The following PCDH11X variants were observed in gnomAD, a reference collection of about 807,000 sequenced individuals.
PCDH11X encodes the protein protocadherin 11 X-linked.
A neutral mutation model predicts 53.3 loss-of-function variants in PCDH11X; 18 were observed. The observed-to-expected ratio is 0.34, with a 90% confidence interval of 0.23 to 0.50. PCDH11X has a LOEUF of 0.50. PCDH11X is among the 20% of genes least tolerant of loss of function. PCDH11X has a pLI of 0.98. For synonymous variants in PCDH11X, 279 were observed against 393.3 expected, an observed-to-expected ratio of 0.71 and a Z score of 3.44; for missense variants, 570 against 1,032.4, an observed-to-expected ratio of 0.55 and a Z score of 6.14.
At chrX:92,480,199 G>C (rs780405939) in intron 10 of PCDH11X, among the ~76,000 whole-genome samples, 1 of 111,584 alleles carries the variant, frequency 9.0e-6, no homozygotes, top group South Asian at 3.7e-4. Flanking sequence ...AGCTCTGTGA[G>C]CTCAGTTATA....
At chrX:92,461,988 T>C (rs755689204) in intron 9 of PCDH11X, among the ~76,000 whole-genome samples, 1 of 112,591 alleles carries the variant, frequency 8.9e-6, no homozygotes, top group Admixed American at 9.4e-5. Context: ...CATTTACTTA[T>C]GCAATATAGA....
chrX:92,339,475 G>A (rs1012707640), intron 8 of PCDH11X, among the ~76,000 whole-genome samples: 3 of 111,229 alleles, frequency 2.7e-5, no homozygotes, highest in African/African-American at 9.8e-5. Flanking sequence ...AGATTTAATT[G>A]GCTTATGGTT....
intron 8 of PCDH11X, among the ~76,000 whole-genome samples, chrX:92,294,121 A>C (rs1290257817): frequency 9.1e-6 from 1 of 109,829 alleles, no homozygotes; most frequent in African/African-American, 3.4e-5. Context: ...TCTCAAGTTT[A>C]TTTTATTCAT....
intron 10 of PCDH11X, among the ~76,000 whole-genome samples, chrX:92,608,146 C>T (rs1927009083): frequency 9.4e-6 from 1 of 106,195 alleles, no homozygotes; most frequent in African/African-American, 3.5e-5. Flanking sequence ...TGTACAAAAA[C>T]TTGAATTGCC....
At chrX:92,278,710 T>A (rs2068169451) in intron 8 of PCDH11X, among the ~76,000 whole-genome samples, 1 of 110,671 alleles carries the variant, frequency 9.0e-6, no homozygotes, top group Admixed American at 9.6e-5. Context: ...TCTTTTGTGA[T>A]TCTTCAGTTA....
intron 6 of PCDH11X, among the ~76,000 whole-genome samples, chrX:91,889,157 T>C (rs1940365472): frequency 9.1e-6 from 1 of 110,120 alleles, no homozygotes; most frequent in Non-Finnish European, 1.9e-5. Flanking sequence ...TGGAATTTCA[T>C]GGACTCTCAA....
At chrX:92,318,742 C>T (rs1038582325) in intron 8 of PCDH11X, among the ~76,000 whole-genome samples, 2 of 111,027 alleles carry the variant, frequency 1.8e-5, no homozygotes, top group African/African-American at 6.6e-5. Context: ...GGAAAATTGG[C>T]TTGTCTAGAA....
chrX:91,802,303 G>T (rs1449995438), intron 1 of PCDH11X, among the ~76,000 whole-genome samples: 1 of 112,527 alleles, frequency 8.9e-6, no homozygotes, highest in Non-Finnish European at 1.9e-5. Context: ...ACCTATGCTA[G>T]TACAGTATGC....
At chrX:92,108,378 C>T (rs112034793) in intron 6 of PCDH11X, among the ~76,000 whole-genome samples, 1,986 of 111,930 alleles carry the variant, frequency 0.018, 32 homozygotes, top group African/African-American at 0.061. Context: ...TACTTCAAAT[C>T]AGCGTGCATC....
rs1939675945 is a variant in PCDH11X, at chrX:91,877,464, A to T, written c.1224A>T (p.Leu408Phe). ...CFTDHEIPFR[L>F]RPVFSNQFLL... ...CAGATCATGAAATCCCTTTCAGATT[A>T]AGGCCAGTATTCAGTAATCAGTTCC... The change falls in exon 6 of 11, where the codon TTA becomes TTT. Residue 408 changes from leucine to phenylalanine, a missense_variant. Leu to Phe is a conservative substitution (Grantham distance 22). Coordinates refer to ENST00000682573, the MANE Select transcript of PCDH11X (RefSeq NM_032968.5). 8.3e-7 allele frequency: 1 copy of T among 1,211,670 alleles called. No homozygotes were observed. The highest frequency in any genetic ancestry group is 3.0e-5 in the East Asian group (1 of 33,842).
intron 6 of PCDH11X, among the ~76,000 whole-genome samples, chrX:91,952,530 C>T (rs1482328555): frequency 9.0e-6 from 1 of 110,608 alleles, no homozygotes; most frequent in Admixed American, 9.6e-5. Flanking sequence ...ATGCATTTTT[C>T]CTATAACTAT....
chrX:91,914,527 C>A (rs754110027), intron 6 of PCDH11X, among the ~76,000 whole-genome samples: 6 of 111,207 alleles, frequency 5.4e-5, no homozygotes, highest in African/African-American at 2.0e-4. Context: ...ATGAACAATT[C>A]TCAAGAGAAA....
intron 6 of PCDH11X, among the ~76,000 whole-genome samples, chrX:91,922,244 T>C (rs1941769741): frequency 8.9e-6 from 1 of 111,988 alleles, no homozygotes; most frequent in South Asian, 3.7e-4. Context: ...TCATCTCACT[T>C]AGGTAATATT....
chrX:92,203,812 G>A (rs1569420021), intron 7 of PCDH11X, among the ~76,000 whole-genome samples: 1 of 111,661 alleles, frequency 9.0e-6, no homozygotes, highest in Non-Finnish European at 1.9e-5. Flanking sequence ...CCTAAGTGGG[G>A]GTCACAAGAT....
chrX:91,926,098 A>ACG (rs1172297009), intron 6 of PCDH11X, among the ~76,000 whole-genome samples: 1 of 104,267 alleles, frequency 9.6e-6, no homozygotes. Flanking sequence ...ACACACACAC[A>ACG]CACACACACA....
intron 6 of PCDH11X, among the ~76,000 whole-genome samples, chrX:91,996,998 G>T (rs1242104687): frequency 1.2e-5 from 1 of 84,539 alleles, no homozygotes; most frequent in African/African-American, 4.4e-5. Context: ...ATTGTTAATT[G>T]TATTGTCTAC....
intron 5 of PCDH11X, among the ~76,000 whole-genome samples, chrX:91,855,587 G>A (rs1278236815): frequency 9.2e-6 from 1 of 109,182 alleles, no homozygotes; most frequent in Admixed American, 9.7e-5. Context: ...ATTGCTTTAG[G>A]TAGTATGGAC....
intron 10 of PCDH11X, among the ~76,000 whole-genome samples, chrX:92,617,573 T>C (rs1205328360): frequency 9.1e-6 from 1 of 110,098 alleles, no homozygotes; most frequent in African/African-American, 3.3e-5. Context: ...ATTTGTATAA[T>C]ATTTTTATTG....
chrX:92,387,527 G>A (rs1366610437), intron 8 of PCDH11X: 35 of 533,511 alleles, frequency 6.6e-5, no homozygotes, highest in African/African-American at 1.5e-4. Flanking sequence ...GCCTTGTTTC[G>A]AAATATAATG....
Sources: gnomAD v4.1 joint callset for allele counts (sites outside exome capture counted in the v4.1 genomes callset) on GRCh38, gnomAD v4.1.1 for gene constraint, MANE v1.5 for transcripts, NCBI Gene and HGNC (gene_info 2026-07-23, HGNC 2026-07-21) for gene names.